The following ATP6V1B2 variants were observed in gnomAD, a reference collection of about 807,000 sequenced individuals.
ATP6V1B2 encodes the protein V-type proton ATPase subunit B, brain isoform.
In ATP6V1B2, 23 loss-of-function variants were observed where a neutral mutation model predicts 66.7. That is an observed-to-expected ratio of 0.34 (90% confidence interval 0.25 to 0.49). ATP6V1B2 has a LOEUF of 0.49. Ranked by LOEUF, ATP6V1B2 falls within the 20% of genes least tolerant of loss-of-function variation. The probability of loss-of-function intolerance (pLI) is 0.99; values close to 1 mark genes in which losing one functional copy is unlikely to be tolerated. For missense variants in ATP6V1B2, 478 were observed against 650.8 expected (o/e 0.73, Z 2.89); for synonymous variants, 278 against 236.7 (o/e 1.17, Z -1.60).
At chr8:20,214,354 T>C (rs1256089221) in intron 9 of ATP6V1B2, 1 of 152,418 alleles carries the variant, frequency 6.6e-6, no homozygotes, top group Non-Finnish European at 1.5e-5. Flanking sequence ...CCTCATAGGG[T>C]TGCTGTGAGG....
chr8:20,203,834 TA>T, intron 1 of ATP6V1B2: 1 of 360,346 alleles, frequency 2.8e-6, no homozygotes, highest in Non-Finnish European at 5.4e-6. Context: ...TGACTTTTTT[TA>T]AAAGGATCCT....
chr8:20,199,397 G>A (rs2072660884), intron 1 of ATP6V1B2, among the ~76,000 whole-genome samples: 1 of 152,046 alleles, frequency 6.6e-6, no homozygotes, highest in Non-Finnish European at 1.5e-5. Context: ...TGTGAACATG[G>A]GTGGAATCAG....
intron 1 of ATP6V1B2, among the ~76,000 whole-genome samples, chr8:20,198,083 C>T (rs2072647107): frequency 6.6e-6 from 1 of 152,194 alleles, no homozygotes; most frequent in African/African-American, 2.4e-5. Context: ...GGTGGAGGGG[C>T]TGCTCCGCAG....
In ATP6V1B2 at chr8:20,217,308, A is replaced by G. The variant is rs2072865477; in HGVS notation, c.1250A>G (p.Asp417Gly). Residue 417 changes from aspartate to glycine, a missense_variant, in exon 12 of 14, where the codon GAT (aspartate) becomes GGT (glycine). Physicochemically the swap from Asp to Gly is moderately conservative, Grantham distance 94. Around this residue, in one of 2 missense-constraint regions of ATP6V1B2, gnomAD observed 326 missense variants for 545.6 expected, o/e 0.60. Coordinates refer to ENST00000276390, the MANE Select transcript of ATP6V1B2 (RefSeq NM_001693.4). ...GEGMTRKDHA[D>G]VSNQLYACYA... ...GGGATGACCAGGAAGGATCATGCCG[A>G]TGTATCTAACCAGCTAGTATGTACA... 1 of 1,611,064 alleles carries G rather than the reference A, an allele frequency of 6.2e-7. No homozygotes were observed.
At chr8:20,211,100 A>C in intron 5 of ATP6V1B2, 77 bp from the exon 6 acceptor site, 1 of 1,546,414 alleles carries the variant, frequency 6.5e-7, no homozygotes, top group South Asian at 1.2e-5. Flanking sequence ...CTTTTCTTTT[A>C]ATTTGATATG....
At chr8:20,204,148 C>G (rs1031423787) in intron 1 of ATP6V1B2, 2 of 384,472 alleles carry the variant, frequency 5.2e-6, no homozygotes, top group Non-Finnish European at 5.0e-6. Context: ...AGTTAGAGCC[C>G]TTATCTCATC....
chr8:20,202,919 T>A (rs962491861), intron 1 of ATP6V1B2, among the ~76,000 whole-genome samples: 4 of 152,214 alleles, frequency 2.6e-5, no homozygotes, highest in Admixed American at 2.0e-4. Context: ...ATATTTCTAA[T>A]GTAGCTCACT....
In ATP6V1B2 at chr8:20,217,216, C is replaced by G. The variant is rs1438860044; in HGVS notation, c.1162-4C>G. ...AGTATTTTTTCCCTCTCATTCTACC[C>G]AAGATTTATCCACCTATCAATGTGC... On this transcript the variant is annotated splice_polypyrimidine_tract_variant and splice_region_variant and intron_variant, in intron 11 of 13. Transcript: ENST00000276390. The G allele has an allele frequency of 1.9e-6, 3 of 1,607,914 alleles. No homozygotes were observed. Among genetic ancestry groups the G allele is most frequent in the Non-Finnish European group, 2.6e-6 (3 of 1,174,794 alleles).
rs1037698577 is a variant in ATP6V1B2, at chr8:20,212,252, G to A, written c.803+53G>A. On this transcript the variant is annotated intron_variant, in intron 8 of 13. Coordinates refer to ENST00000276390, the MANE Select transcript of ATP6V1B2 (RefSeq NM_001693.4). Reference sequence around the variant, plus strand: ...GGCCCAGACTCGGGATCAAAAGTGTGTCTTAAGGTTGGGGAGGTAAAATGT... The same window carrying A: ...GGCCCAGACTCGGGATCAAAAGTGTATCTTAAGGTTGGGGAGGTAAAATGT... 2.2e-5 allele frequency: 34 copies of A among 1,555,750 alleles called. 1 individual carries two copies. The highest frequency in any genetic ancestry group is 4.5e-5 in the South Asian group (4 of 89,362).
chr8:20,197,592 C>T (rs941151112), intron 1 of ATP6V1B2, 50 bp downstream of exon 1: 1 of 1,320,796 alleles, frequency 7.6e-7, no homozygotes, highest in Non-Finnish European at 9.8e-7. Context: ...CTAGCCTAGC[C>T]CTTTGCTCCC....
intron 3 of ATP6V1B2, 103 bp downstream of exon 3, chr8:20,209,634 CTT>C: frequency 9.0e-7 from 1 of 1,112,600 alleles, no homozygotes; most frequent in South Asian, 1.4e-5. Context: ...TTTTTAGAGT[CTT>C]TAGAGATTGG....
At chr8:20,202,001 A>G (rs2072692593) in intron 1 of ATP6V1B2, among the ~76,000 whole-genome samples, 1 of 152,160 alleles carries the variant, frequency 6.6e-6, no homozygotes, top group African/African-American at 2.4e-5. Flanking sequence ...TCATTAACCC[A>G]TGAATGGATT....
rs1201350346 is a variant in ATP6V1B2 at position 20,212,202 on chromosome 8, A to C, written c.803+3A>C. ...TTGAACTTGGCTAATGACCCAACGTAAGTAACAGAGCTATTTCTTTCTGTG... is the reference window on the plus strand; with the variant it reads ...TTGAACTTGGCTAATGACCCAACGTCAGTAACAGAGCTATTTCTTTCTGTG... On this transcript the variant is annotated splice_donor_region_variant and intron_variant, in intron 8 of 13. Transcript: ENST00000276390. The C allele has an allele frequency of 6.2e-7, 1 of 1,612,174 alleles. No homozygotes were observed. Among genetic ancestry groups the C allele is most frequent in the South Asian group, 1.1e-5 (1 of 91,038 alleles).
intron 1 of ATP6V1B2, among the ~76,000 whole-genome samples, chr8:20,199,360 C>CTTTGTTT (rs2072660612): frequency 2.0e-5 from 3 of 151,894 alleles, no homozygotes; most frequent in African/African-American, 7.3e-5. Context: ...ATTTAAACTC[C>CTTTGTTT]TTGCTCGAAT....
chr8:20,211,544 TC>T, intron 6 of ATP6V1B2, 107 bp from the exon 7 acceptor site: 2 of 1,327,554 alleles, frequency 1.5e-6, no homozygotes, highest in East Asian at 4.9e-5. Flanking sequence ...CCCTAAAACA[TC>T]CTGGTTTCGT....
chr8:20,200,549 CAT>C (rs1304643503), intron 1 of ATP6V1B2, among the ~76,000 whole-genome samples: 4 of 152,140 alleles, frequency 2.6e-5, no homozygotes, highest in South Asian at 2.1e-4. Context: ...AAATGGAAAA[CAT>C]ATTCAGGCTT....
rs780999092 is a variant in ATP6V1B2, at chr8:20,212,108, A to T, written c.712A>T (p.Met238Leu). ...TGAAGTTATTGTTATTTAGGTAAAC[A>T]TGGAAACTGCCCGGTTCTTCAAATC... The part of the protein sequence containing the change: ...AIVFAAMGVN[M>L]ETARFFKSDF... The change falls in exon 8 of 14, where the codon ATG becomes TTG. Residue 238 changes from methionine (M) to leucine (L), a missense_variant. Met to Leu is a conservative substitution (Grantham distance 15). This residue lies in a region of ATP6V1B2 where 326 missense variants were observed against 545.6 expected (regional missense o/e 0.60). Transcript: ENST00000276390. The T allele has an allele frequency of 6.2e-7, 1 of 1,613,434 alleles. No homozygotes were observed.
intron 9 of ATP6V1B2, 128 bp downstream of exon 9, chr8:20,213,033 T>A: frequency 7.8e-7 from 1 of 1,289,258 alleles, no homozygotes; most frequent in Non-Finnish European, 1.1e-6. Flanking sequence ...TAGAATGCCT[T>A]AATAAATCAG....
At chr8:20,198,752 A>G (rs2072654164) in intron 1 of ATP6V1B2, among the ~76,000 whole-genome samples, 1 of 152,226 alleles carries the variant, frequency 6.6e-6, no homozygotes, top group Non-Finnish European at 1.5e-5. Context: ...GTCATGTGAT[A>G]GCACTGCAGT....
Sources: allele counts gnomAD v4.1 joint callset (sites outside exome capture counted in the v4.1 genomes callset), GRCh38; gene constraint gnomAD v4.1.1; regional missense constraint gnomAD v4.1.1; transcripts MANE v1.5; gene names NCBI Gene and HGNC (gene_info 2026-07-23, HGNC 2026-07-21).